MPP7: variants seen among roughly 807,000 people sequenced by gnomAD.
The protein encoded by MPP7 is MAGUK p55 scaffold protein 7, also known as MAGUK p55 subfamily member 7.
MPP7 carries 60 observed loss-of-function variants against 76.5 expected under a neutral mutation model. That is an observed-to-expected ratio of 0.78 (90% confidence interval 0.64 to 0.97). The LOEUF is 0.97. MPP7 is among the 50% of genes least tolerant of loss of function. The pLI is 0.00. For missense variants in MPP7, 641 were observed against 694.0 expected (o/e 0.92, Z 0.86); for synonymous variants, 237 against 244.5 (o/e 0.97, Z 0.29).
rs1158378367 is a variant in MPP7, at chr10:28,330,845, A to G, written c.-205-843T>C. On this transcript the variant is annotated intron_variant, in intron 1 of 11. Transcript: ENST00000441595. The stretch of plus-strand genomic sequence containing the variant: ...AATTTTTTAGAATTGTTTTTCGTAG[A>G]GTTGAGGGTCTCCCCATGTTGCCCA... Among the ~76,000 whole-genome samples, 5 of 152,116 alleles carry G rather than the reference A, an allele frequency of 3.3e-5. 1 individual carries two copies. The East Asian group carries it at 9.7e-4, about 29-fold the overall frequency.
chr10:28,087,116 CAGTG>C (rs1395820811), intron 12 of MPP7, among the ~76,000 whole-genome samples: 1 of 152,146 alleles, frequency 6.6e-6, no homozygotes, highest in African/African-American at 2.4e-5. Flanking sequence ...TGGCGTGAGG[CAGTG>C]AGTGAGTTTT....
At chr10:28,290,528 A>C (rs1372761236) in intron 1 of MPP7, among the ~76,000 whole-genome samples, 3 of 152,118 alleles carry the variant, frequency 2.0e-5, no homozygotes, top group Non-Finnish European at 4.4e-5. Flanking sequence ...GCTGGAGTGC[A>C]ATGGCACAAT....
intron 1 of MPP7, among the ~76,000 whole-genome samples, chr10:28,282,320 G>A (rs1840697971): frequency 6.6e-6 from 1 of 152,052 alleles, no homozygotes; most frequent in African/African-American, 2.4e-5. Context: ...ATCTACAGTG[G>A]ATCTGGGAAT....
Position 28,054,192 on chromosome 10 carries a change from T to A in MPP7, c.1604A>T (p.Tyr535Phe), listed in dbSNP as rs1851461630. 6.2e-7 allele frequency: 1 copy of A among 1,601,654 alleles called. No individual in the cohort carries two copies. Among genetic ancestry groups the A allele is most frequent in the African/African-American group, 1.3e-5 (1 of 74,726 alleles). ...TATAATTTTGTCAAAAAGATGACCA[T>A]ATTGACTTTCCATTATCTGTGCAGA... ...IKSAQIMESQ[Y>F]GHLFDKIIIN... The change falls in exon 17 of 17, where the codon TAT becomes TTT. Residue 535 changes from tyrosine (Y) to phenylalanine (F), a missense_variant. By Grantham distance (22) the Tyr-to-Phe change is conservative. Coordinates refer to ENST00000683449, the MANE Select transcript of MPP7 (RefSeq NM_001318170.2).
intron 3 of MPP7, among the ~76,000 whole-genome samples, chr10:28,178,428 G>A (rs1447051751): frequency 6.6e-6 from 1 of 151,452 alleles, no homozygotes; most frequent in East Asian, 1.9e-4. Flanking sequence ...GCCCCCACAG[G>A]ATAAACACCA....
intron 1 of MPP7, chr10:28,281,861 T>TAGGACGTATGGC (rs1840683033): frequency 6.6e-6 from 1 of 152,090 alleles, no homozygotes; most frequent in Admixed American, 6.5e-5. Context: ...CGGTCCACAT[T>TAGGACGTATGGC]CTTAACCATT....
intron 2 of MPP7, among the ~76,000 whole-genome samples, chr10:28,322,578 C>T (rs1416447171): frequency 6.6e-6 from 1 of 152,142 alleles, no homozygotes; most frequent in Admixed American, 6.5e-5. Context: ...CTCTTCGCCG[C>T]TGTCTCTTTC....
chr10:28,103,070 T>C (rs1285027886), intron 11 of MPP7, among the ~76,000 whole-genome samples: 2 of 152,232 alleles, frequency 1.3e-5, no homozygotes, highest in African/African-American at 4.8e-5. Context: ...GACCCATCTT[T>C]AGGGCCTTTG....
intron 12 of MPP7, among the ~76,000 whole-genome samples, chr10:28,076,541 G>GCACA (rs150111167): frequency 2.8e-4 from 42 of 150,000 alleles, no homozygotes; most frequent in Admixed American, 6.0e-4. Flanking sequence ...ACACATGCGC[G>GCACA]CACACACACA....
chr10:28,220,303 C>T (rs963445574), intron 2 of MPP7, among the ~76,000 whole-genome samples: 1 of 152,022 alleles, frequency 6.6e-6, no homozygotes, highest in Non-Finnish European at 1.5e-5. Context: ...GCAGTATTCA[C>T]CCAAAAAATA....
chr10:28,225,295 A>G (rs1214624421), intron 2 of MPP7, among the ~76,000 whole-genome samples: 1 of 152,228 alleles, frequency 6.6e-6, no homozygotes, highest in East Asian at 1.9e-4. Flanking sequence ...CACCAAAAGC[A>G]TCAACAACAT....
chr10:28,294,493 G>A (rs1840996047), intron 1 of MPP7, among the ~76,000 whole-genome samples: 2 of 152,168 alleles, frequency 1.3e-5, no homozygotes, highest in Admixed American at 6.5e-5. Flanking sequence ...ATTAAAGAAT[G>A]CAAACTTTTT....
chr10:28,213,807 AAAAGAG>A (rs1239155750), intron 2 of MPP7, among the ~76,000 whole-genome samples: 3,831 of 145,566 alleles, frequency 0.026, 44 homozygotes, highest in African/African-American at 0.064. Context: ...AAAAAAAAAA[AAAAGAG>A]AGAGAGAGAG....
At chr10:28,276,864 C>T (rs1564751692) in intron 1 of MPP7, among the ~76,000 whole-genome samples, 1 of 151,980 alleles carries the variant, frequency 6.6e-6, no homozygotes, top group Non-Finnish European at 1.5e-5. Context: ...TTTGACTGTG[C>T]CAGCTATAGG....
intron 13 of MPP7, among the ~76,000 whole-genome samples, chr10:28,064,683 A>T (rs76166714): frequency 0.01 from 1,591 of 152,340 alleles, 15 homozygotes; most frequent in Non-Finnish European, 0.018. Flanking sequence ...AATCCAACTA[A>T]TTTAAGTTAT....
intron 11 of MPP7, among the ~76,000 whole-genome samples, chr10:28,102,751 A>C: frequency 6.6e-6 from 1 of 152,128 alleles, no homozygotes; most frequent in Non-Finnish European, 1.5e-5. Context: ...ATCAAAATAT[A>C]TCCAGAATGG....
At chr10:28,255,938 T>C (rs1588989266) in intron 1 of MPP7, among the ~76,000 whole-genome samples, 1 of 152,226 alleles carries the variant, frequency 6.6e-6, no homozygotes, top group South Asian at 2.1e-4. Flanking sequence ...TATGAGTGTT[T>C]TACTTCCTTT....
rs903929604 is a variant in MPP7, at chr10:28,158,990, C to T, written c.157-8931G>A. 3.9e-5 allele frequency among the ~76,000 whole-genome samples: 6 copies of T among 152,230 alleles called. No individual in the cohort carries two copies. In the South Asian group the frequency reaches 6.2e-4, roughly 16 times the overall value. ...GGGGTAAAAGGAGAACACACTATCCCCCATCCCCAAGCCAACTCCCCTACC... is the reference window on the plus strand; with the variant it reads ...GGGGTAAAAGGAGAACACACTATCCTCCATCCCCAAGCCAACTCCCCTACC... On this transcript the variant is annotated intron_variant, in intron 3 of 16. Transcript: ENST00000683449.
At chr10:28,172,850 T>C (rs1283738562) in intron 3 of MPP7, among the ~76,000 whole-genome samples, 1 of 152,188 alleles carries the variant, frequency 6.6e-6, no homozygotes, top group African/African-American at 2.4e-5. Flanking sequence ...AATGGTTATT[T>C]TGTTGAATGA....
Sources: allele counts gnomAD v4.1 joint callset (sites outside exome capture counted in the v4.1 genomes callset), GRCh38; gene constraint gnomAD v4.1.1; transcripts MANE v1.5; gene names NCBI Gene and HGNC (gene_info 2026-07-23, HGNC 2026-07-21).